Variants in GALNT2 observed in about 807,000 individuals in gnomAD.
GALNT2 encodes the protein polypeptide N-acetylgalactosaminyltransferase 2.
Under a neutral mutation model 81.4 loss-of-function variants are expected in GALNT2, and 31 were observed. The observed-to-expected ratio is 0.38, with a 90% confidence interval of 0.29 to 0.51. GALNT2 has a LOEUF of 0.51. GALNT2 is among the 20% of genes least tolerant of loss of function. The probability of loss-of-function intolerance (pLI) is 0.87; values close to 1 mark genes in which losing one functional copy is unlikely to be tolerated. For missense variants in GALNT2, 629 were observed against 765.7 expected (o/e 0.82, Z 2.11); for synonymous variants, 303 against 287.4 (o/e 1.05, Z -0.55).
At chr1:230,259,250 T>C (rs749980993) in intron 11 of GALNT2, among the ~76,000 whole-genome samples, 4 of 152,258 alleles carry the variant, frequency 2.6e-5, no homozygotes, top group Non-Finnish European at 5.9e-5. Flanking sequence ...AATATTTATA[T>C]GTACTACCTA....
At chr1:230,261,955 G>A (rs559796698) in intron 11 of GALNT2, 2 of 152,062 alleles carry the variant, frequency 1.3e-5, no homozygotes, top group South Asian at 4.1e-4. Context: ...AGGTTTCAGT[G>A]AGCCGAGATC....
In GALNT2 at chr1:230,271,078, CCCTTCT is replaced by C. The variant is rs1666148703; in HGVS notation, c.1441-3364_1441-3359del. On this transcript the variant is annotated intron_variant, in intron 14 of 15. Transcript: ENST00000366672. The surrounding 1 kb of genome is among the most constrained non-coding windows in gnomAD (Gnocchi z 4.2). ...ACCTGCTGCCAGGGACAGTCTGGAA[CCCTTCT>C]CCATACCAGCGTTGTCCCTCTTACT... is the stretch of plus-strand genomic sequence containing the variant. 6.6e-6 allele frequency among the ~76,000 whole-genome samples: 1 copy of C among 152,212 alleles called. No homozygotes were observed. The highest frequency in any genetic ancestry group is 1.5e-5 in the Non-Finnish European group (1 of 68,038).
intron 10 of GALNT2, among the ~76,000 whole-genome samples, chr1:230,253,502 C>G (rs369525122): frequency 4.4e-4 from 67 of 152,318 alleles, no homozygotes; most frequent in African/African-American, 1.6e-3. Flanking sequence ...GTGACAGTGA[C>G]TGCACACTCT....
At chr1:230,097,343 T>C (rs1400923760) in intron 1 of GALNT2, among the ~76,000 whole-genome samples, 1 of 152,190 alleles carries the variant, frequency 6.6e-6, no homozygotes, top group African/African-American at 2.4e-5. Context: ...CCACCGTACA[T>C]CCACGGAGCT....
In GALNT2 at chr1:230,210,193, C is replaced by T. The variant is rs1664191466; in HGVS notation, c.374+6903C>T. 2.0e-5 allele frequency among the ~76,000 whole-genome samples: 3 copies of T among 152,110 alleles called. No individual in the cohort carries two copies. The South Asian group carries it at 6.2e-4, about 32-fold the overall frequency. ...CTGATAAGAAAATAAAGTAGAGGAA[C>T]CCAGGAAGTTTATGAAATCTCTTTC... is the stretch of plus-strand genomic sequence containing the variant. On this transcript the variant is annotated intron_variant, in intron 3 of 15. Coordinates refer to ENST00000366672, the MANE Select transcript of GALNT2 (RefSeq NM_004481.5).
Position 230,279,487 on chromosome 1 carries a change from C to G in GALNT2, c.*29C>G. The G allele has an allele frequency of 6.2e-7, 1 of 1,604,862 alleles. No individual in the cohort carries two copies. On this transcript the variant is annotated 3_prime_UTR_variant, in exon 16 of 16. Transcript: ENST00000366672. The surrounding 1 kb of genome is among the most constrained non-coding windows in gnomAD (Gnocchi z 4.6). ...GGTCCGGGAGGCCCTGCCGTCCTGTCTCCTGCACCATTGGGTGGAGTCTGG... is the reference window on the plus strand; with the variant it reads ...GGTCCGGGAGGCCCTGCCGTCCTGTGTCCTGCACCATTGGGTGGAGTCTGG...
In GALNT2 at chr1:230,279,088, G is replaced by A. The variant is rs1666367764; in HGVS notation, c.1561-215G>A. Reference sequence around the variant, plus strand: ...GGAGACGTTCTGAGTTTTGATCCAAGGCAGAGAATATGTTTCCTTCCTGGG... The same window carrying A: ...GGAGACGTTCTGAGTTTTGATCCAAAGCAGAGAATATGTTTCCTTCCTGGG... On this transcript the variant is annotated intron_variant, in intron 15 of 15. Transcript: ENST00000366672. This position sits in a 1 kb window ranked among gnomAD's most constrained non-coding sequence, Gnocchi z 4.6. Among the ~76,000 whole-genome samples, 2 of 152,226 alleles carry A rather than the reference G, an allele frequency of 1.3e-5. No homozygotes were observed. The highest frequency in any genetic ancestry group is 1.5e-5 in the Non-Finnish European group (1 of 68,046).
chr1:230,126,645 G>GAAAAA (rs1428713317), intron 1 of GALNT2, among the ~76,000 whole-genome samples: 1 of 152,194 alleles, frequency 6.6e-6, no homozygotes, highest in African/African-American at 2.4e-5. Context: ...TCTCTCCTCG[G>GAAAAA]AAAAGTGTGT....
At chr1:230,135,858 T>G (rs1248909456) in intron 1 of GALNT2, among the ~76,000 whole-genome samples, 2 of 150,886 alleles carry the variant, frequency 1.3e-5, no homozygotes, top group African/African-American at 4.9e-5. Flanking sequence ...GCTAACTTTT[T>G]CATTTTTTTT....
rs1666366285 is a variant in GALNT2, at chr1:230,279,029, C to T, written c.1561-274C>T. ...GGTGGGTGCCCAGAGCTCTGGGGCTCAGAGGAGGGGACACCCACAGAAAGT... is the reference window on the plus strand; with the variant it reads ...GGTGGGTGCCCAGAGCTCTGGGGCTTAGAGGAGGGGACACCCACAGAAAGT... On this transcript the variant is annotated intron_variant, in intron 15 of 15. Coordinates refer to ENST00000366672, the MANE Select transcript of GALNT2 (RefSeq NM_004481.5). This position sits in a 1 kb window ranked among gnomAD's most constrained non-coding sequence, Gnocchi z 4.6. 6.6e-6 allele frequency among the ~76,000 whole-genome samples: 1 copy of T among 152,176 alleles called. No homozygotes were observed. The highest frequency in any genetic ancestry group is 2.1e-4 in the South Asian group (1 of 4,832).
intron 1 of GALNT2, among the ~76,000 whole-genome samples, chr1:230,160,242 T>C: frequency 6.6e-6 from 1 of 152,224 alleles, no homozygotes; most frequent in East Asian, 1.9e-4. Context: ...ACATGTAGGA[T>C]GGGCCAGGCA....
intron 1 of GALNT2, among the ~76,000 whole-genome samples, chr1:230,137,515 TCA>T (rs1293041461): frequency 1.2e-4 from 18 of 152,242 alleles, no homozygotes; most frequent in Non-Finnish European, 1.9e-4. Context: ...GCCGAGGCTG[TCA>T]CAGTGACAAG....
rs911144706 is a variant in GALNT2, at chr1:230,144,593, G to C, written c.127-33625G>C. Among the ~76,000 whole-genome samples the C allele has an allele frequency of 3.9e-5, 6 of 152,234 alleles. No homozygotes were observed. The East Asian group carries it at 1.2e-3, about 29-fold the overall frequency. ...GACGCTGTATACTCTTAGGTACCAA[G>C]CACCCACCAGGATTTCGCCATGCTT... On this transcript the variant is annotated intron_variant, in intron 1 of 15. Coordinates refer to ENST00000366672, the MANE Select transcript of GALNT2 (RefSeq NM_004481.5).
At chr1:230,067,432 G>C in intron 1 of GALNT2, 26 bp downstream of exon 1, 24 of 1,015,354 alleles carry the variant, frequency 2.4e-5, no homozygotes, top group Non-Finnish European at 2.5e-5. Context: ...TGCCGCGGCC[G>C]GGCCCCTGCG....
At chr1:230,186,568 T>C (rs1040401969) in intron 2 of GALNT2, among the ~76,000 whole-genome samples, 1 of 152,250 alleles carries the variant, frequency 6.6e-6, no homozygotes, top group Non-Finnish European at 1.5e-5. Flanking sequence ...ATGGATTATC[T>C]TCTATTAAAA....
chr1:230,116,449 C>T (rs1558091230), intron 1 of GALNT2, among the ~76,000 whole-genome samples: 1 of 152,120 alleles, frequency 6.6e-6, no homozygotes, highest in Non-Finnish European at 1.5e-5. Context: ...AGGATGGTCT[C>T]GATCTCCTGA....
intron 1 of GALNT2, among the ~76,000 whole-genome samples, chr1:230,109,363 A>G (rs540523106): frequency 6.6e-6 from 1 of 152,298 alleles, no homozygotes; most frequent in African/African-American, 2.4e-5. Context: ...TAACAGGAGT[A>G]GGCCACTCAT....
intron 1 of GALNT2, among the ~76,000 whole-genome samples, chr1:230,142,409 A>G (rs561863804): frequency 1.3e-5 from 2 of 152,216 alleles, no homozygotes; most frequent in East Asian, 3.9e-4. Flanking sequence ...CAGAGGCTGT[A>G]TGGTGAAGTC....
rs961902345 is a variant in GALNT2 at position 230,274,307 on chromosome 1, G to A, written c.1441-138G>A. On this transcript the variant is annotated intron_variant, in intron 14 of 15. Coordinates refer to ENST00000366672, the MANE Select transcript of GALNT2 (RefSeq NM_004481.5). Reference sequence around the variant, plus strand: ...CCCTTAGGCAAAAAGTAATTGTTTCGTTCTCAGTTGGCTCAGGGGTTCTGA... The same window carrying A: ...CCCTTAGGCAAAAAGTAATTGTTTCATTCTCAGTTGGCTCAGGGGTTCTGA... The A allele has an allele frequency of 8.0e-5, 93 of 1,166,838 alleles. No homozygotes were observed. In the East Asian group the frequency reaches 9.4e-4, roughly 12 times the overall value. The allele number at this position is 1,166,838 out of a possible 1,614,324, so 72.3% of individuals were successfully genotyped here. A position where few individuals can be genotyped will look rare whatever the true frequency, so the allele number is the denominator to read the frequency against.
Sources: allele counts gnomAD v4.1 joint callset (sites outside exome capture counted in the v4.1 genomes callset), GRCh38; gene constraint gnomAD v4.1.1; non-coding constraint Gnocchi (gnomAD v3.1); transcripts MANE v1.5; gene names NCBI Gene and HGNC (gene_info 2026-07-23, HGNC 2026-07-21).